The following USP24 variants were observed in gnomAD, a reference collection of about 807,000 sequenced individuals.
USP24 encodes the protein ubiquitin specific peptidase 24.
In USP24, 97 loss-of-function variants were observed where a neutral mutation model predicts 361.6. That is an observed-to-expected ratio of 0.27 (90% CI 0.23 to 0.32). The LOEUF is 0.32. USP24 is among the 10% of genes least tolerant of loss of function. The probability of loss-of-function intolerance (pLI) is 1.00; values close to 1 mark genes in which losing one functional copy is unlikely to be tolerated. For synonymous variants in USP24, 1,098 were observed against 1,124.6 expected, an observed-to-expected ratio of 0.98 and a Z score of 0.47; for missense variants, 2,353 against 3,165.6, an observed-to-expected ratio of 0.74 and a Z score of 6.16.
chr1:55,123,873 G>A (rs751272831), intron 35 of USP24, among the ~76,000 whole-genome samples: 7 of 152,166 alleles, frequency 4.6e-5, no homozygotes, highest in Non-Finnish European at 7.3e-5. Context: ...GTGGGCATGA[G>A]GGAGCCCTCC....
intron 21 of USP24, 41 bp downstream of exon 21, chr1:55,144,086 A>G: frequency 6.7e-7 from 1 of 1,485,008 alleles, no homozygotes; most frequent in Non-Finnish European, 9.1e-7. Context: ...AAGTTATACT[A>G]GATTATCCAA....
intron 1 of USP24, among the ~76,000 whole-genome samples, chr1:55,201,354 G>A (rs981111265): frequency 6.0e-5 from 9 of 151,224 alleles, no homozygotes; most frequent in African/African-American, 1.5e-4. Context: ...GCCTGTAATC[G>A]CACTTTGGGA....
chr1:55,151,503 C>T (rs781223258), intron 16 of USP24, among the ~76,000 whole-genome samples: 1 of 152,140 alleles, frequency 6.6e-6, no homozygotes, highest in Non-Finnish European at 1.5e-5. Flanking sequence ...CCAACATTTG[C>T]TAAAAGCCTG....
chr1:55,073,260 T>G (rs1644956922), intron 64 of USP24, among the ~76,000 whole-genome samples: 1 of 152,214 alleles, frequency 6.6e-6, no homozygotes, highest in African/African-American at 2.4e-5. Flanking sequence ...AACCTTCATT[T>G]TGCAGTCAAT....
chr1:55,177,318 T>C (rs1557673477), intron 2 of USP24, among the ~76,000 whole-genome samples: 1 of 152,124 alleles, frequency 6.6e-6, no homozygotes, highest in South Asian at 2.1e-4. Context: ...TTTATTAAAC[T>C]CAATAATAGG....
At chr1:55,138,844 T>C (rs1252735675) in intron 25 of USP24, 100 bp downstream of exon 25, 6 of 1,340,366 alleles carry the variant, frequency 4.5e-6, no homozygotes, top group Non-Finnish European at 5.2e-6. Context: ...CTGGGTGTGG[T>C]GGTGTGTGCT....
intron 20 of USP24, 142 bp downstream of exon 20, chr1:55,145,856 T>C (rs1174879135): frequency 3.3e-6 from 2 of 597,032 alleles, no homozygotes; most frequent in Admixed American, 3.1e-5. Flanking sequence ...GTACTAAATA[T>C]GTCTTTAGAT....
intron 30 of USP24, among the ~76,000 whole-genome samples, chr1:55,133,777 C>T (rs1205007239): frequency 6.6e-6 from 1 of 151,866 alleles, no homozygotes; most frequent in Non-Finnish European, 1.5e-5. Flanking sequence ...GCTGGGACTA[C>T]AGGTACATGC....
At chr1:55,180,756 T>C (rs1289589417) in intron 1 of USP24, among the ~76,000 whole-genome samples, 1 of 152,222 alleles carries the variant, frequency 6.6e-6, no homozygotes, top group East Asian at 1.9e-4. Flanking sequence ...CAACCTCTCC[T>C]TCACAGCACT....
intron 58 of USP24, among the ~76,000 whole-genome samples, chr1:55,081,640 G>A (rs532065419): frequency 6.6e-6 from 1 of 152,302 alleles, no homozygotes; most frequent in South Asian, 2.1e-4. Context: ...TGGATTCACT[G>A]TAGGTACTGA....
chr1:55,126,372 C>CT (rs1360888332), intron 32 of USP24, among the ~76,000 whole-genome samples: 1 of 152,174 alleles, frequency 6.6e-6, no homozygotes, highest in Non-Finnish European at 1.5e-5. Flanking sequence ...CCTGATCACC[C>CT]TACTGAAAAT....
chr1:55,083,198 A>G, intron 58 of USP24, 74 bp downstream of exon 58: 1 of 1,437,280 alleles, frequency 7.0e-7, no homozygotes, highest in African/African-American at 1.4e-5. Flanking sequence ...AAAAACATTT[A>G]TCACCTACAA....
chr1:55,144,991 C>T (rs1024493444), intron 20 of USP24, among the ~76,000 whole-genome samples: 3 of 151,972 alleles, frequency 2.0e-5, no homozygotes, highest in African/African-American at 4.8e-5. Flanking sequence ...ATACCCATTA[C>T]GATGTCTAAA....
At chr1:55,184,928 T>C (rs1438058755) in intron 1 of USP24, among the ~76,000 whole-genome samples, 2 of 152,084 alleles carry the variant, frequency 1.3e-5, no homozygotes, top group Non-Finnish European at 2.9e-5. Context: ...AAGCAGTGAT[T>C]AAAGGGAAAT....
At chr1:55,140,212 T>G (rs1172907067) in intron 24 of USP24, among the ~76,000 whole-genome samples, 1 of 151,998 alleles carries the variant, frequency 6.6e-6, no homozygotes, top group East Asian at 1.9e-4. Context: ...AAAAAGCACT[T>G]AGTAAAGAGA....
In USP24 at chr1:55,078,605, A is replaced by G. The variant is rs779444350; in HGVS notation, c.7247T>C (p.Ile2416Thr). The change falls in exon 61 of 68, where the codon ATT becomes ACT. Residue 2416 changes from isoleucine (I) to threonine (T), a missense_variant. Coordinates refer to ENST00000294383, the MANE Select transcript of USP24 (RefSeq NM_015306.3). ...RELTGSLLAL[I>T]EMVVYCCFCN... is the part of the protein sequence containing the mutation. ...GAAACAGCAGTACACTACCATCTCA[A>G]TGAGTGCCAAGAGCGAGCCTGTCAG... is the stretch of plus-strand genomic sequence containing the variant. The G allele has an allele frequency of 8.7e-6, 14 of 1,611,972 alleles. No homozygotes were observed. Among genetic ancestry groups the G allele is most frequent in the East Asian group, 6.7e-5 (3 of 44,834 alleles).
At chr1:55,138,405 C>T (rs1010396004) in intron 26 of USP24, among the ~76,000 whole-genome samples, 1 of 151,458 alleles carries the variant, frequency 6.6e-6, no homozygotes, top group Non-Finnish European at 1.5e-5. Flanking sequence ...TTGTTCTTTA[C>T]AATACTTAAC....
At position 55,136,782 on chromosome 1, in the gene USP24, T is replaced by C. The variant is rs532373211; in HGVS notation, c.3201+733A>G. ...GAGATTTGGGGTGGGAGTGAGGTAG[T>C]GGGGAAAAGGGTATAAGGAGCTCAA... On this transcript the variant is annotated intron_variant, in intron 28 of 67. Transcript: ENST00000294383. 3.3e-5 allele frequency among the ~76,000 whole-genome samples: 5 copies of C among 152,048 alleles called. No individual in the cohort carries two copies. In the South Asian group the frequency reaches 1.0e-3, roughly 32 times the overall value.
chr1:55,214,993 GC>G lies in USP24; in HGVS notation c.120del (p.Leu41SerfsTer96). 6.9e-7 allele frequency: 1 copy of G among 1,458,568 alleles called. No homozygotes were observed. Among genetic ancestry groups the G allele is most frequent in the East Asian group, 3.0e-5 (1 of 33,766 alleles). 90.4% of individuals were successfully genotyped at this position (1,458,568 alleles called of 1,614,324 possible). On this transcript the variant is annotated frameshift_variant, in exon 1 of 68. Coordinates refer to ENST00000294383, the MANE Select transcript of USP24 (RefSeq NM_015306.3). LOFTEE classifies it high-confidence loss of function. ...TCGAGGCCCGGCCGCTCGTTGGTGA[GC>G]AGTGCCACGGCCTCGTTAATGTCGT... ...AKNDINEAVA[L>X]LTNERPGLDY... is the part of the protein sequence containing the mutation.
Sources: allele counts gnomAD v4.1 joint callset (sites outside exome capture counted in the v4.1 genomes callset), GRCh38; gene constraint gnomAD v4.1.1; transcripts MANE v1.5; gene names NCBI Gene and HGNC (gene_info 2026-07-23, HGNC 2026-07-21).